FYN: variants seen among roughly 807,000 people sequenced by gnomAD.
FYN encodes tyrosine-protein kinase Fyn.
A neutral mutation model predicts 70.2 loss-of-function variants in FYN; 10 were observed. The ratio of observed to expected loss-of-function variants is 0.14; its 90% CI spans 0.09 to 0.24. The LOEUF (loss-of-function observed/expected upper bound fraction) is 0.24. Among genes scored for constraint, FYN ranks in the 10% least tolerant of loss-of-function variants. The probability of loss-of-function intolerance (pLI) is 1.00; values close to 1 mark genes in which losing one functional copy is unlikely to be tolerated. For missense variants in FYN, 319 were observed against 673.1 expected (o/e 0.47, Z 5.82); for synonymous variants, 236 against 248.6 (o/e 0.95, Z 0.48).
At chr6:111,711,086 A>G (rs969890067) in intron 5 of FYN, among the ~76,000 whole-genome samples, 5 of 151,958 alleles carry the variant, frequency 3.3e-5, no homozygotes, top group Non-Finnish European at 5.9e-5. Context: ...CTACCCCCAA[A>G]CCCCAAAGTT....
intron 1 of FYN, among the ~76,000 whole-genome samples, chr6:111,868,011 G>A (rs1436178174): frequency 1.3e-5 from 2 of 151,966 alleles, no homozygotes; most frequent in African/African-American, 4.8e-5. Flanking sequence ...TCGCCCTCTG[G>A]GCTGTTCTTT....
At position 111,846,557 on chromosome 6, in the gene FYN, A is replaced by T. The variant is rs913513470; in HGVS notation, c.-82+32T>A. ...GGAAGCCCTTTATAATTCACAAGGC[A>T]CTTGCTCTCAGTGCAAAACTTGCCA... On this transcript the variant is annotated intron_variant, in intron 2 of 13. Coordinates refer to ENST00000354650, the MANE Select transcript of FYN (RefSeq NM_002037.5). The T allele has an allele frequency of 7.5e-6, 3 of 398,988 alleles. No individual in the cohort carries two copies. The East Asian group carries it at 1.1e-4, about 14-fold the overall frequency. The allele number at this position is 398,988 out of a possible 1,614,324, so 24.7% of individuals were successfully genotyped here.
intron 1 of FYN, among the ~76,000 whole-genome samples, chr6:111,849,430 C>T (rs1480523349): frequency 6.6e-6 from 1 of 152,186 alleles, no homozygotes; most frequent in Non-Finnish European, 1.5e-5. Context: ...TTCCGAATGC[C>T]CACAGACATC....
At chr6:111,696,193 T>C (rs1171977280) in intron 10 of FYN, 84 bp downstream of exon 10, 47 of 1,186,842 alleles carry the variant, frequency 4.0e-5, no homozygotes, top group East Asian at 1.1e-4. Context: ...ACTAGAAAAG[T>C]AGCAAGTAGG....
intron 2 of FYN, among the ~76,000 whole-genome samples, chr6:111,785,072 T>C (rs1287354955): frequency 6.6e-6 from 1 of 152,234 alleles, no homozygotes; most frequent in Non-Finnish European, 1.5e-5. Flanking sequence ...GTTTGTTGTA[T>C]TGACTTGATG....
At chr6:111,720,895 TA>T (rs1317051363) in intron 3 of FYN, among the ~76,000 whole-genome samples, 1 of 152,070 alleles carries the variant, frequency 6.6e-6, no homozygotes, top group Non-Finnish European at 1.5e-5. Flanking sequence ...CTCATCTAAG[TA>T]AATGGGACCA....
At chr6:111,813,704 C>T (rs1413767994) in intron 2 of FYN, among the ~76,000 whole-genome samples, 2 of 152,304 alleles carry the variant, frequency 1.3e-5, no homozygotes, top group African/African-American at 2.4e-5. Flanking sequence ...ATAATGACCC[C>T]TATTTCACAG....
intron 1 of FYN, chr6:111,858,435 T>G (rs17073012): frequency 0.18 from 27,199 of 152,172 alleles, 2,660 homozygotes; most frequent in East Asian, 0.27. Context: ...AATTTTCTCC[T>G]TCTTGGGCTA....
At chr6:111,759,242 G>T (rs1802894189) in intron 3 of FYN, 1 of 152,134 alleles carries the variant, frequency 6.6e-6, no homozygotes. Context: ...CTGGCTTCTG[G>T]CACAGGTCTA....
chr6:111,770,806 C>A (rs1803420143), intron 3 of FYN, among the ~76,000 whole-genome samples: 1 of 152,064 alleles, frequency 6.6e-6, no homozygotes. Flanking sequence ...CCTAACCATT[C>A]CCTCGAGATC....
intron 3 of FYN, among the ~76,000 whole-genome samples, chr6:111,777,202 ATCTG>A (rs1490076781): frequency 2.0e-5 from 3 of 152,168 alleles, no homozygotes; most frequent in Non-Finnish European, 4.4e-5. Context: ...TCAGAGGCCC[ATCTG>A]TCTGTCTGAA....
chr6:111,762,303 C>T (rs745369343), intron 3 of FYN, among the ~76,000 whole-genome samples: 3 of 152,184 alleles, frequency 2.0e-5, no homozygotes, highest in Non-Finnish European at 4.4e-5. Flanking sequence ...TTACTTATAC[C>T]TCTAAGTAAT....
chr6:111,818,869 C>T (rs9374295), intron 2 of FYN: 6,310 of 152,322 alleles, frequency 0.041, 164 homozygotes, highest in East Asian at 0.14. Flanking sequence ...GGTTACTTCT[C>T]CTCTTGAGTC....
intron 3 of FYN, among the ~76,000 whole-genome samples, chr6:111,772,675 G>A (rs534768612): frequency 7.2e-5 from 11 of 152,306 alleles, no homozygotes; most frequent in Non-Finnish European, 1.5e-4. Context: ...ATTTTAGGAA[G>A]AGAAGAGCAT....
intron 3 of FYN, among the ~76,000 whole-genome samples, chr6:111,731,358 T>C (rs1801442682): frequency 1.3e-5 from 2 of 152,154 alleles, no homozygotes; most frequent in Non-Finnish European, 2.9e-5. Flanking sequence ...GATAGCACGG[T>C]GCTTGTGGTC....
intron 2 of FYN, among the ~76,000 whole-genome samples, chr6:111,840,481 G>A (rs555954418): frequency 3.9e-5 from 6 of 152,312 alleles, no homozygotes; most frequent in Non-Finnish European, 5.9e-5. Context: ...TGAAGGTATC[G>A]TGGCCCTGCT....
chr6:111,862,944 G>A (rs577760334), intron 1 of FYN, among the ~76,000 whole-genome samples: 28 of 152,232 alleles, frequency 1.8e-4, no homozygotes, highest in Non-Finnish European at 3.2e-4. Context: ...CAATTAACGA[G>A]ATGGTAATGG....
chr6:111,783,903 A>C, intron 2 of FYN, among the ~76,000 whole-genome samples: 1 of 152,226 alleles, frequency 6.6e-6, no homozygotes, highest in East Asian at 1.9e-4. Flanking sequence ...CAACTGAATC[A>C]GAATTGATTT....
intron 13 of FYN, among the ~76,000 whole-genome samples, chr6:111,663,740 T>A (rs1797873672): frequency 6.6e-6 from 1 of 152,174 alleles, no homozygotes; most frequent in African/African-American, 2.4e-5. Flanking sequence ...CATGCATGCC[T>A]TTACCAGCGA....
Sources: allele counts gnomAD v4.1 joint callset (sites outside exome capture counted in the v4.1 genomes callset), GRCh38; gene constraint gnomAD v4.1.1; transcripts MANE v1.5; gene names NCBI Gene and HGNC (gene_info 2026-07-23, HGNC 2026-07-21).